The following EYS variants were observed in gnomAD, a reference collection of about 807,000 sequenced individuals.
EYS encodes the protein protein eyes shut homolog.
EYS carries 250 observed loss-of-function variants against 282.1 expected under a neutral mutation model. The observed-to-expected ratio is 0.89, with a 90% CI of 0.80 to 0.98. The LOEUF (loss-of-function observed/expected upper bound fraction) is 0.98. Among genes scored for constraint, EYS ranks in the 50% least tolerant of loss-of-function variants. The pLI is 0.00. For synonymous variants in EYS, 1,355 were observed against 1,282.9 expected (o/e 1.06, Z -1.20); for missense variants, 4,016 against 3,709.0 (o/e 1.08, Z -2.15).
At chr6:65,461,169 ACT>A (rs1452589920) in intron 5 of EYS, among the ~76,000 whole-genome samples, 4 of 152,104 alleles carry the variant, frequency 2.6e-5, no homozygotes, top group African/African-American at 9.7e-5. Context: ...TGGTAAATTA[ACT>A]CTACCATTGT....
At chr6:64,892,947 A>G (rs1348044153) in intron 18 of EYS, among the ~76,000 whole-genome samples, 1 of 152,100 alleles carries the variant, frequency 6.6e-6, no homozygotes, top group Non-Finnish European at 1.5e-5. Flanking sequence ...AATGGTCACA[A>G]TATGCTTGTT....
At chr6:64,182,109 TA>T (rs968439637) in intron 31 of EYS, among the ~76,000 whole-genome samples, 2 of 152,106 alleles carry the variant, frequency 1.3e-5, no homozygotes, top group South Asian at 2.1e-4. Context: ...TAGTGTGAAA[TA>T]AAAAAATTGC....
intron 15 of EYS, among the ~76,000 whole-genome samples, chr6:64,944,177 T>C (rs1434748676): frequency 6.6e-6 from 1 of 152,078 alleles, no homozygotes; most frequent in Non-Finnish European, 1.5e-5. Flanking sequence ...TGCAGAGGAC[T>C]GAAACTGGAC....
intron 2 of EYS, among the ~76,000 whole-genome samples, chr6:65,630,539 C>T (rs2130493): frequency 0.93 from 141,352 of 152,310 alleles, 65,850 homozygotes; most frequent in Non-Finnish European, 0.97. Context: ...AAAAACTCAA[C>T]AGCAATATTT....
intron 15 of EYS, among the ~76,000 whole-genome samples, chr6:64,928,073 G>A (rs1317358182): frequency 1.3e-5 from 2 of 151,964 alleles, no homozygotes; most frequent in Non-Finnish European, 2.9e-5. Flanking sequence ...TCCTTAAATT[G>A]TATATGTAAA....
chr6:63,998,654 G>A (rs976518845), intron 34 of EYS, among the ~76,000 whole-genome samples: 2 of 152,148 alleles, frequency 1.3e-5, no homozygotes, highest in Non-Finnish European at 2.9e-5. Flanking sequence ...GTTTCTAAGA[G>A]AAATTTTCTG....
intron 26 of EYS, among the ~76,000 whole-genome samples, chr6:64,485,248 C>T (rs918393222): frequency 6.6e-6 from 1 of 151,546 alleles, no homozygotes; most frequent in South Asian, 2.1e-4. Flanking sequence ...GTTAGAGAAC[C>T]CTTTAGGATT....
intron 26 of EYS, among the ~76,000 whole-genome samples, chr6:64,496,153 G>C (rs532055790): frequency 6.6e-6 from 1 of 151,894 alleles, no homozygotes; most frequent in South Asian, 2.1e-4. Flanking sequence ...TTTAAATAAA[G>C]AGGAAATTTC....
intron 23 of EYS, among the ~76,000 whole-genome samples, chr6:64,620,243 G>A (rs1045492998): frequency 6.6e-6 from 1 of 152,068 alleles, no homozygotes; most frequent in African/African-American, 2.4e-5. Flanking sequence ...GCACTCTTAG[G>A]ATTTTTGAGT....
chr6:63,937,345 CTTTTTTTTTTTTTT>C (rs778809745), intron 35 of EYS, among the ~76,000 whole-genome samples: 3 of 54,472 alleles, frequency 5.5e-5, no homozygotes, highest in African/African-American at 2.3e-4. Context: ...TCTCTCTTTT[CTTTTTTTTTTTTTT>C]TTTTTTTTTT....
intron 12 of EYS, among the ~76,000 whole-genome samples, chr6:65,092,581 C>A (rs1347747152): frequency 6.6e-6 from 1 of 152,256 alleles, no homozygotes; most frequent in South Asian, 2.1e-4. Flanking sequence ...AACTGTTTAG[C>A]TCTTTAATTA....
chr6:64,660,046 G>A (rs552361299), intron 22 of EYS, among the ~76,000 whole-genome samples: 1 of 152,266 alleles, frequency 6.6e-6, no homozygotes, highest in South Asian at 2.1e-4. Context: ...CTATGATCAA[G>A]CAGGCTTCAT....
At chr6:64,961,259 C>A (rs999319218) in intron 14 of EYS, among the ~76,000 whole-genome samples, 2 of 152,096 alleles carry the variant, frequency 1.3e-5, no homozygotes, top group Non-Finnish European at 2.9e-5. Context: ...AACTAATTGA[C>A]TTTGATTATG....
intron 12 of EYS, among the ~76,000 whole-genome samples, chr6:65,287,772 T>C (rs1768409762): frequency 6.6e-6 from 1 of 151,268 alleles, no homozygotes; most frequent in Non-Finnish European, 1.5e-5. Context: ...TTTTTTTGCC[T>C]TTTTATGGGA....
intron 22 of EYS, among the ~76,000 whole-genome samples, chr6:64,691,744 A>T (rs1051861916): frequency 6.6e-6 from 1 of 152,206 alleles, no homozygotes; most frequent in Non-Finnish European, 1.5e-5. Context: ...AAGTGAGAAC[A>T]TGCAGTATTT....
chr6:64,198,665 T>A (rs1765373033), intron 31 of EYS, among the ~76,000 whole-genome samples: 1 of 152,202 alleles, frequency 6.6e-6, no homozygotes, highest in Non-Finnish European at 1.5e-5. Context: ...CTAACCTTTT[T>A]TGTTGGCTTC....
intron 22 of EYS, among the ~76,000 whole-genome samples, chr6:64,703,429 A>ATATATATTTTTTTTTTTTTTT (rs869208549): frequency 4.3e-5 from 1 of 23,362 alleles, no homozygotes; most frequent in African/African-American, 9.5e-5. Flanking sequence ...ATATATATAT[A>ATATATATTTTTTTTTTTTTTT]TTTTTTTTTT....
chr6:64,971,506 C>T (rs1282886153), intron 14 of EYS, among the ~76,000 whole-genome samples: 1 of 152,058 alleles, frequency 6.6e-6, no homozygotes, highest in African/African-American at 2.4e-5. Flanking sequence ...GGTTGTAAAA[C>T]ATGAAGGCCT....
chr6:63,835,385 C>G (rs1005054005), intron 36 of EYS, among the ~76,000 whole-genome samples: 13 of 151,536 alleles, frequency 8.6e-5, no homozygotes, highest in Non-Finnish European at 1.5e-4. Context: ...GAATACTACA[C>G]AGCCATAGAA....
Sources: allele counts gnomAD v4.1 joint callset (sites outside exome capture counted in the v4.1 genomes callset), GRCh38; gene constraint gnomAD v4.1.1; transcripts MANE v1.5; gene names NCBI Gene and HGNC (gene_info 2026-07-23, HGNC 2026-07-21).